CEP63: variants seen among roughly 807,000 people sequenced by gnomAD.
CEP63 encodes the protein centrosomal protein 63, also known as centrosomal protein of 63 kDa.
A neutral mutation model predicts 89.1 loss-of-function variants in CEP63; 84 were observed. The observed-to-expected ratio is 0.94, with a 90% confidence interval of 0.79 to 1.13. CEP63 has a LOEUF of 1.13. CEP63 is among the 50% of genes most tolerant of loss of function. The pLI is 0.00. For synonymous variants in CEP63, 267 were observed against 272.5 expected (o/e 0.98, Z 0.20); for missense variants, 838 against 813.3 (o/e 1.03, Z -0.37).
the CEP63 span, among the ~76,000 whole-genome samples, chr3:134,707,699 C>A: frequency 2.7e-5 from 4 of 150,830 alleles, no homozygotes; most frequent in African/African-American, 9.7e-5. Context: ...ATAAATGCAC[C>A]CCTGGTAAAG....
the CEP63 span, among the ~76,000 whole-genome samples, chr3:134,681,186 CG>C: frequency 6.6e-6 from 1 of 151,500 alleles, no homozygotes; most frequent in African/African-American, 2.4e-5. Context: ...AGCTGGGGGT[CG>C]GGGGGTGGTG....
intron 3 of CEP63, among the ~76,000 whole-genome samples, chr3:134,527,537 T>C (rs1323741481): frequency 6.6e-6 from 1 of 152,100 alleles, no homozygotes; most frequent in Non-Finnish European, 1.5e-5. Flanking sequence ...GGTGGATACA[T>C]GTACACTTGC....
downstream of CEP63, among the ~76,000 whole-genome samples, chr3:134,569,303 C>T (rs532594215): frequency 2.0e-5 from 3 of 152,328 alleles, no homozygotes; most frequent in East Asian, 1.9e-4. Context: ...AGTCCAAAGT[C>T]TCATCTGAGA....
At chr3:134,736,698 A>G in the CEP63 span, among the ~76,000 whole-genome samples, 1 of 152,206 alleles carries the variant, frequency 6.6e-6, no homozygotes, top group Non-Finnish European at 1.5e-5. Flanking sequence ...ATTCATGGAT[A>G]GGAAAACTCA....
the CEP63 span, among the ~76,000 whole-genome samples, chr3:134,688,376 G>A: frequency 0.019 from 2,941 of 152,314 alleles, 95 homozygotes; most frequent in African/African-American, 0.067. Context: ...GTTGCCTTGA[G>A]CATAGGCAGT....
At chr3:134,624,099 C>G in the CEP63 span, among the ~76,000 whole-genome samples, 13 of 152,322 alleles carry the variant, frequency 8.5e-5, no homozygotes, top group African/African-American at 2.9e-4. Context: ...AAAACTTGCT[C>G]CTTCTCCCTT....
intron 3 of CEP63, among the ~76,000 whole-genome samples, chr3:134,527,308 T>C (rs1219314217): frequency 6.6e-6 from 1 of 152,176 alleles, no homozygotes; most frequent in Non-Finnish European, 1.5e-5. Flanking sequence ...TGCAGGTCTG[T>C]GTGCCTTCTC....
At chr3:134,603,461 G>A in the CEP63 span, 1 of 880,552 alleles carries the variant, frequency 1.1e-6, no homozygotes, top group Admixed American at 2.5e-5. Context: ...TGAGGCAGAG[G>A]CCTAGAAGGG....
intron 5 of CEP63, chr3:134,536,855 A>G: frequency 2.8e-6 from 1 of 362,624 alleles, no homozygotes; most frequent in Non-Finnish European, 5.3e-6. Flanking sequence ...AATTATAACA[A>G]CCCTTAGGTG....
chr3:134,610,115 C>T, the CEP63 span: 6 of 1,474,980 alleles, frequency 4.1e-6, no homozygotes, highest in South Asian at 1.3e-5. Flanking sequence ...TTGGTCTTCT[C>T]CACCTGCTGC....
the CEP63 span, among the ~76,000 whole-genome samples, chr3:134,638,774 C>T: frequency 6.6e-6 from 1 of 152,220 alleles, no homozygotes; most frequent in Non-Finnish European, 1.5e-5. Context: ...CTTCAGGTTT[C>T]AATCAGGATT....
the CEP63 span, among the ~76,000 whole-genome samples, chr3:134,699,184 T>C: frequency 6.6e-6 from 1 of 152,244 alleles, no homozygotes; most frequent in Non-Finnish European, 1.5e-5. Context: ...CTGTATCCCC[T>C]GTGCCTAGCA....
intron 6 of CEP63, among the ~76,000 whole-genome samples, chr3:134,538,584 A>T (rs911952258): frequency 8.5e-5 from 10 of 117,350 alleles, no homozygotes; most frequent in Non-Finnish European, 1.4e-4. Flanking sequence ...ACAACAAAAA[A>T]TTTTTTTTGG....
chr3:134,705,169 A>C, the CEP63 span, among the ~76,000 whole-genome samples: 2 of 152,346 alleles, frequency 1.3e-5, no homozygotes, highest in South Asian at 2.1e-4. Context: ...TGTGTAATTT[A>C]TAAGGAAAAG....
the CEP63 span, chr3:134,625,095 C>A: frequency 6.2e-7 from 1 of 1,603,228 alleles, no homozygotes; most frequent in Admixed American, 1.7e-5. Flanking sequence ...GCTGCAGGTC[C>A]AGGGACATGG....
the CEP63 span, among the ~76,000 whole-genome samples, chr3:134,765,861 GC>G: frequency 1.3e-5 from 2 of 152,156 alleles, no homozygotes; most frequent in South Asian, 4.1e-4. Context: ...GTTTTAAGAA[GC>G]CCTCTAGGTA....
the CEP63 span, among the ~76,000 whole-genome samples, chr3:134,781,379 T>C: frequency 6.6e-6 from 1 of 152,378 alleles, no homozygotes; most frequent in Non-Finnish European, 1.5e-5. Flanking sequence ...TATTTTTTCA[T>C]AAGGCCTTTA....
the CEP63 span, among the ~76,000 whole-genome samples, chr3:134,647,702 C>G: frequency 6.6e-6 from 1 of 152,190 alleles, no homozygotes; most frequent in Admixed American, 6.5e-5. Flanking sequence ...AAACAGTTTT[C>G]AAGGGCAGCA....
At chr3:134,603,529 G>A in the CEP63 span, 1 of 1,499,524 alleles carries the variant, frequency 6.7e-7, no homozygotes, top group Non-Finnish European at 9.0e-7. Flanking sequence ...AGCCCTCCCT[G>A]GGGAGGTCTG....
Sources: gnomAD v4.1 joint callset for allele counts (sites outside exome capture counted in the v4.1 genomes callset) on GRCh38, gnomAD v4.1.1 for gene constraint, MANE v1.5 for transcripts, NCBI Gene and HGNC (gene_info 2026-07-23, HGNC 2026-07-21) for gene names.